MRPL40: variants seen among roughly 807,000 people sequenced by gnomAD.
MRPL40 encodes the protein mitochondrial ribosomal protein L40, also known as large ribosomal subunit protein mL40.
Under a neutral mutation model 24.5 loss-of-function variants are expected in MRPL40, and 18 were observed. That is an observed-to-expected ratio of 0.73 (90% CI 0.51 to 1.09). The LOEUF is 1.09. Among genes scored for constraint, MRPL40 ranks in the 50% least tolerant of loss-of-function variants. The probability of loss-of-function intolerance (pLI) is 0.00; values close to 1 mark genes in which losing one functional copy is unlikely to be tolerated. For synonymous variants in MRPL40, 108 were observed against 94.6 expected (o/e 1.14, Z -0.82); for missense variants, 256 against 243.8 (o/e 1.05, Z -0.33).
intron 1 of MRPL40, 112 bp from the exon 2 acceptor site, chr22:19,433,153 C>G: frequency 1.5e-6 from 1 of 667,440 alleles, no homozygotes; most frequent in South Asian, 1.5e-5. Flanking sequence ...TCTTGAACTC[C>G]TGACCTCGCG....
In MRPL40 at chr22:19,434,916, T is replaced by A. The variant is rs200444055; in HGVS notation, c.296+22T>A. ...CAAGGTAAGGATCCTTCTCTAGGGA[T>A]GAAGTCCTCAGGACAAAGGAGTAAT... On this transcript the variant is annotated intron_variant, in intron 3 of 3. Coordinates refer to ENST00000333130, the MANE Select transcript of MRPL40 (RefSeq NM_003776.4). 4.2e-4 allele frequency: 656 copies of A among 1,568,802 alleles called. 1 individual carries two copies. The highest frequency in any genetic ancestry group is 5.4e-4 in the Non-Finnish European group (627 of 1,162,156).
At position 19,434,754 on chromosome 22, in the gene MRPL40, AAAG is replaced by A. The variant is rs778257898; in HGVS notation, c.163_165del (p.Lys55del). On this transcript the variant is annotated inframe_deletion, in exon 3 of 4. Coordinates refer to ENST00000333130, the MANE Select transcript of MRPL40 (RefSeq NM_003776.4). ...CTATTAGATCAGAACCTCTTCGAAA[AAAG>A]AAGAAGGTAGATCCTAAAAAAGACC... 98 of 1,589,924 alleles carry A rather than the reference AAAG, an allele frequency of 6.2e-5. No homozygotes were observed. Among genetic ancestry groups the A allele is most frequent in the Middle Eastern group, 1.7e-4 (1 of 5,736 alleles).
At position 19,435,991 on chromosome 22, in the gene MRPL40, G is replaced by C; in HGVS notation, c.*29G>C. 6.4e-7 allele frequency: 1 copy of C among 1,563,486 alleles called. No homozygotes were observed. Among genetic ancestry groups the C allele is most frequent in the Non-Finnish European group, 8.8e-7 (1 of 1,142,056 alleles). ...TGCAGGCTGCTATCCTTAACATGCT[G>C]CCCCTGAGAGTAGGAATGACCAGGG... is the stretch of plus-strand genomic sequence containing the variant. On this transcript the variant is annotated 3_prime_UTR_variant, in exon 4 of 4. Coordinates refer to ENST00000333130, the MANE Select transcript of MRPL40 (RefSeq NM_003776.4).
Position 19,435,945 on chromosome 22 carries a change from G to GTGGAGTT in MRPL40, c.606_612dup (p.Lys205GlyfsTer3). 1 of 1,613,802 alleles carries GTGGAGTT rather than the reference G, an allele frequency of 6.2e-7. No homozygotes were observed. The highest frequency in any genetic ancestry group is 1.1e-5 in the South Asian group (1 of 91,062). ...TGACATCACCAAGGTGTACACACAA[G>GTGGAGTT]TGGAGTTTAAGAGATAGACTTGCAG... On this transcript the variant is annotated frameshift_variant, in exon 4 of 4. Coordinates refer to ENST00000333130, the MANE Select transcript of MRPL40 (RefSeq NM_003776.4). LOFTEE classifies it high-confidence loss of function.
At position 19,434,749 on chromosome 22, in the gene MRPL40, C is replaced by T. The variant is rs147952957; in HGVS notation, c.151C>T (p.Arg51Ter). ...TTTATCTATTAGATCAGAACCTCTT[C>T]GAAAAAAGAAGAAGGTAGATCCTAA... ...ELIPMRSEPL[R>*]KKKKVDPKKD... The change falls in exon 3 of 4, where the codon CGA becomes TGA. Residue 51 changes from arginine (R) to a stop codon, truncating the protein, a stop_gained. Coordinates refer to ENST00000333130, the MANE Select transcript of MRPL40 (RefSeq NM_003776.4). LOFTEE classifies it high-confidence loss of function. The T allele has an allele frequency of 4.2e-5, 66 of 1,589,264 alleles. No individual in the cohort carries two copies. In the South Asian group the frequency reaches 6.6e-4, roughly 16 times the overall value.
chr22:19,434,294 C>A (rs778202437), intron 2 of MRPL40, among the ~76,000 whole-genome samples: 37 of 142,828 alleles, frequency 2.6e-4, no homozygotes, highest in Non-Finnish European at 3.6e-4. Flanking sequence ...GCGATCTTGT[C>A]CTACTGCAAC....
chr22:19,435,650 G>A lies in MRPL40; in HGVS notation c.309G>A (p.Gln103=), dbSNP rs147081520. Residue 103 remains glutamine, a synonymous_variant, in exon 4 of 4, where the codon CAG becomes CAA. Coordinates refer to ENST00000333130, the MANE Select transcript of MRPL40 (RefSeq NM_003776.4). The part of the protein sequence containing the change: ...KFLDKARERP[Q]VELTFEETER... ...AGCTTCTTTGCAGAGAGCGGCCTCA[G>A]GTGGAGCTCACCTTTGAGGAGACTG... The A allele has an allele frequency of 3.2e-5, 52 of 1,613,056 alleles. No individual in the cohort carries two copies. Among genetic ancestry groups the A allele is most frequent in the Middle Eastern group, 1.6e-4 (1 of 6,078 alleles).
chr22:19,435,623 T>A lies in MRPL40; in HGVS notation c.297-15T>A. On this transcript the variant is annotated splice_polypyrimidine_tract_variant and intron_variant, in intron 3 of 3. Coordinates refer to ENST00000333130, the MANE Select transcript of MRPL40 (RefSeq NM_003776.4). The stretch of plus-strand genomic sequence containing the variant: ...TACATGCCAGTGAGATTGGTAACCC[T>A]TAGCTTCTTTGCAGAGAGCGGCCTC... 1.2e-6 allele frequency: 2 copies of A among 1,602,154 alleles called. No individual in the cohort carries two copies. Among genetic ancestry groups the A allele is most frequent in the Non-Finnish European group, 1.7e-6 (2 of 1,173,334 alleles).
At chr22:19,433,202 G>C in intron 1 of MRPL40, 63 bp from the exon 2 acceptor site, 1 of 1,172,724 alleles carries the variant, frequency 8.5e-7, no homozygotes, top group South Asian at 1.2e-5. Context: ...TGGGATTACA[G>C]ACGTGAGCAA....
At chr22:19,432,632 G>T (rs899172224) in intron 1 of MRPL40, 25 bp downstream of exon 1, 1 of 1,544,646 alleles carries the variant, frequency 6.5e-7, no homozygotes. Flanking sequence ...TGGCCGGATA[G>T]CGGAGTGCCC....
At position 19,433,231 on chromosome 22, in the gene MRPL40, A is replaced by G. The variant is rs200320627; in HGVS notation, c.54-34A>G. On this transcript the variant is annotated intron_variant, in intron 1 of 3. Coordinates refer to ENST00000333130, the MANE Select transcript of MRPL40 (RefSeq NM_003776.4). ...TGAGCAACCGCGCCTAGCCTGGAGA[A>G]GCAGATATTTATACATACTCTTGTA... The G allele has an allele frequency of 4.1e-6, 6 of 1,476,288 alleles. No individual in the cohort carries two copies. The East Asian group carries it at 1.4e-4, about 34-fold the overall frequency. The allele number at this position is 1,476,288 out of a possible 1,614,324, so 91.4% of individuals were successfully genotyped here. A position where few individuals can be genotyped will look rare whatever the true frequency, so the allele number is the denominator to read the frequency against.
intron 2 of MRPL40, among the ~76,000 whole-genome samples, chr22:19,433,951 C>T (rs1276134946): frequency 3.3e-5 from 5 of 151,778 alleles, no homozygotes; most frequent in Non-Finnish European, 5.9e-5. Flanking sequence ...TTAGTAGAGA[C>T]GGGGTTTCAC....
In MRPL40 at chr22:19,434,775, A is replaced by T; in HGVS notation, c.177A>T (p.Lys59Asn). The T allele has an allele frequency of 6.2e-7, 1 of 1,608,392 alleles. No homozygotes were observed. The highest frequency in any genetic ancestry group is 8.5e-7 in the Non-Finnish European group (1 of 1,178,586). The stretch of plus-strand genomic sequence containing the variant: ...GAAAAAAGAAGAAGGTAGATCCTAA[A>T]AAAGACCAAGAAGCAAAGGAGCGCT... ...PLRKKKKVDP[K>N]KDQEAKERLK... is the part of the protein sequence containing the mutation. The change falls in exon 3 of 4, where the codon AAA (lysine) becomes AAT (asparagine). Residue 59 changes from lysine to asparagine, a missense_variant. Lys to Asn is a moderately conservative substitution (Grantham distance 94, BLOSUM62 0). Transcript: ENST00000333130.
intron 3 of MRPL40, 116 bp from the exon 4 acceptor site, chr22:19,435,522 C>G (rs576752131): frequency 1.0e-6 from 1 of 968,732 alleles, no homozygotes; most frequent in Admixed American, 2.3e-5. Context: ...CTTAATTTGT[C>G]CCAAACTTGT....
In MRPL40 at chr22:19,432,550, T is replaced by C. The variant is rs1292817741; in HGVS notation, c.-5T>C. The C allele has an allele frequency of 1.3e-6, 2 of 1,547,468 alleles. No homozygotes were observed. Among genetic ancestry groups the C allele is most frequent in the South Asian group, 1.2e-5 (1 of 83,552 alleles). On this transcript the variant is annotated 5_prime_UTR_variant, in exon 1 of 4. Coordinates refer to ENST00000333130, the MANE Select transcript of MRPL40 (RefSeq NM_003776.4). ...GGCGCACGCCCGGAAGCGGCGAGGG[T>C]AGCCATGACGGCCTCCGTGCTGCGA...
chr22:19,434,578 T>C (rs1256722807), intron 2 of MRPL40, among the ~76,000 whole-genome samples, 158 bp from the exon 3 acceptor site: 1 of 152,180 alleles, frequency 6.6e-6, no homozygotes, highest in African/African-American at 2.4e-5. Flanking sequence ...ACAAGTACTG[T>C]GGGGTGGAGT....
intron 3 of MRPL40, 49 bp downstream of exon 3, chr22:19,434,943 T>C (rs756745588): frequency 6.8e-7 from 1 of 1,472,912 alleles, no homozygotes; most frequent in Non-Finnish European, 9.2e-7. Flanking sequence ...AGGAGTAATA[T>C]CAACTTCAGG....
chr22:19,432,566 C>T lies in MRPL40; in HGVS notation c.12C>T (p.Ser4=), dbSNP rs369527091. 6.4e-5 allele frequency: 100 copies of T among 1,551,106 alleles called. No homozygotes were observed. In the East Asian group the frequency reaches 9.4e-4, roughly 15 times the overall value. The part of the protein sequence containing the change: MTA[S]VLRSISLALR... ...CGGCGAGGGTAGCCATGACGGCCTC[C>T]GTGCTGCGAAGTATCTCGCTAGCCC... The change falls in exon 1 of 4, where the codon TCC becomes TCT. Residue 4 remains serine (S), a synonymous_variant. Coordinates refer to ENST00000333130, the MANE Select transcript of MRPL40 (RefSeq NM_003776.4).
chr22:19,432,720 C>A, intron 1 of MRPL40, 113 bp downstream of exon 1: 1 of 1,435,664 alleles, frequency 7.0e-7, no homozygotes, highest in South Asian at 1.4e-5. Context: ...CCACGAATAT[C>A]TCAGGGATGA....
Sources: allele counts gnomAD v4.1 joint callset (sites outside exome capture counted in the v4.1 genomes callset), GRCh38; gene constraint gnomAD v4.1.1; transcripts MANE v1.5; gene names NCBI Gene and HGNC (gene_info 2026-07-23, HGNC 2026-07-21).